Variants in SCUBE1 observed in about 807,000 individuals in gnomAD.
The protein encoded by SCUBE1 is signal peptide, CUB domain and EGF like domain containing 1, also known as signal peptide, CUB and EGF-like domain-containing protein 1.
A neutral mutation model predicts 124.4 loss-of-function variants in SCUBE1; 59 were observed. That is an observed-to-expected ratio of 0.47 (90% confidence interval 0.38 to 0.59). SCUBE1 has a LOEUF of 0.59. Ranked by LOEUF, SCUBE1 falls within the 20% of genes least tolerant of loss-of-function variation. The probability of loss-of-function intolerance (pLI) is 0.00; values close to 1 mark genes in which losing one functional copy is unlikely to be tolerated. For synonymous variants in SCUBE1, 545 were observed against 550.9 expected, an observed-to-expected ratio of 0.99 and a Z score of 0.15; for missense variants, 1,150 against 1,371.2, an observed-to-expected ratio of 0.84 and a Z score of 2.55.
chr22:43,242,190 G>A (rs911254344), intron 6 of SCUBE1, among the ~76,000 whole-genome samples: 2 of 152,218 alleles, frequency 1.3e-5, no homozygotes, highest in East Asian at 1.9e-4. Flanking sequence ...GCCGAGCACC[G>A]CGTCCCTGGG....
intron 19 of SCUBE1, among the ~76,000 whole-genome samples, chr22:43,208,828 T>C (rs8142858): frequency 0.039 from 5,986 of 152,266 alleles, 144 homozygotes; most frequent in South Asian, 0.058. Context: ...AAACCATCCT[T>C]TTCTCAGACA....
intron 3 of SCUBE1, among the ~76,000 whole-genome samples, chr22:43,301,630 C>T (rs965448822): frequency 3.3e-5 from 5 of 152,194 alleles, no homozygotes; most frequent in African/African-American, 7.2e-5. Flanking sequence ...CATTCTGCAA[C>T]GTGTCCCTCC....
At chr22:43,205,991 C>T (rs1246631891) in intron 21 of SCUBE1, among the ~76,000 whole-genome samples, 2 of 134,946 alleles carry the variant, frequency 1.5e-5, no homozygotes, top group Non-Finnish European at 3.2e-5. Flanking sequence ...ACCTCCACCC[C>T]CACTCATCAC....
intron 12 of SCUBE1, among the ~76,000 whole-genome samples, chr22:43,221,839 G>A (rs546060697): frequency 7.2e-5 from 11 of 152,240 alleles, no homozygotes; most frequent in Admixed American, 3.3e-4. Context: ...CGAGGCAGGC[G>A]GATCACTTGA....
intron 3 of SCUBE1, among the ~76,000 whole-genome samples, chr22:43,296,815 C>T (rs777445353): frequency 3.9e-4 from 59 of 152,120 alleles, no homozygotes; most frequent in Non-Finnish European, 5.4e-4. Context: ...AAGGTGGAAC[C>T]TTGGTGGGCC....
intron 2 of SCUBE1, among the ~76,000 whole-genome samples, chr22:43,331,666 C>T (rs921885014): frequency 3.3e-4 from 50 of 152,140 alleles, no homozygotes; most frequent in Non-Finnish European, 2.9e-5. Context: ...GTCCTTTTCC[C>T]TCGCAAATGT....
chr22:43,307,677 G>A (rs891839715), intron 3 of SCUBE1, among the ~76,000 whole-genome samples: 2 of 152,184 alleles, frequency 1.3e-5, no homozygotes, highest in Non-Finnish European at 2.9e-5. Context: ...GGGGAGCAGA[G>A]CTCTAACTGT....
intron 2 of SCUBE1, among the ~76,000 whole-genome samples, chr22:43,329,157 C>T (rs1926821598): frequency 6.6e-6 from 1 of 152,252 alleles, no homozygotes; most frequent in Admixed American, 6.5e-5. Flanking sequence ...ACCCTGGCCA[C>T]AAGGGGCTGC....
At chr22:43,327,762 G>T (rs1273930489) in intron 2 of SCUBE1, among the ~76,000 whole-genome samples, 2 of 152,100 alleles carry the variant, frequency 1.3e-5, no homozygotes, top group Non-Finnish European at 2.9e-5. Flanking sequence ...ACTCCAGCCT[G>T]GGCGACAGAG....
At chr22:43,220,708 A>G (rs1922053505) in intron 13 of SCUBE1, 121 bp from the exon 14 acceptor site, 1 of 1,309,266 alleles carries the variant, frequency 7.6e-7, no homozygotes, top group African/African-American at 1.5e-5. Context: ...AGACGGAAAA[A>G]CTCAGGCTAG....
At chr22:43,319,816 T>A in intron 3 of SCUBE1, 121 bp downstream of exon 3, 1 of 1,261,070 alleles carries the variant, frequency 7.9e-7, no homozygotes, top group Non-Finnish European at 1.1e-6. Flanking sequence ...ATGACAACCC[T>A]GGCAAACTAA....
chr22:43,337,123 T>C (rs1927108392), intron 2 of SCUBE1, among the ~76,000 whole-genome samples: 1 of 152,192 alleles, frequency 6.6e-6, no homozygotes. Flanking sequence ...CTCATCTTCA[T>C]ACCCAGCAGG....
chr22:43,284,070 G>C (rs1003119875), intron 4 of SCUBE1, among the ~76,000 whole-genome samples: 27 of 152,218 alleles, frequency 1.8e-4, no homozygotes, highest in African/African-American at 6.0e-4. Flanking sequence ...GCTCTTACCT[G>C]GTCTGTGTAT....
chr22:43,287,866 T>C (rs17003609), intron 4 of SCUBE1, among the ~76,000 whole-genome samples: 9,330 of 152,148 alleles, frequency 0.061, 983 homozygotes, highest in African/African-American at 0.21. Context: ...TGGTGGGCAA[T>C]TGTCACAACA....
chr22:43,322,185 A>G lies in SCUBE1; in HGVS notation c.221-2120T>C, dbSNP rs568996469. 1.5e-3 allele frequency among the ~76,000 whole-genome samples: 226 copies of G among 152,166 alleles called. 1 individual carries two copies. The highest frequency in any genetic ancestry group is 1.2e-3 in the Non-Finnish European group (79 of 68,020). On this transcript the variant is annotated intron_variant, in intron 2 of 21. Transcript: ENST00000360835. ...TTTTTAATAGAGATGGGGTTTCACC[A>G]TGTTAGCCAGGATGGTCTCCATCTC...
chr22:43,273,811 G>A (rs753303597), intron 4 of SCUBE1, among the ~76,000 whole-genome samples: 4 of 151,990 alleles, frequency 2.6e-5, no homozygotes, highest in East Asian at 1.9e-4. Context: ...GGGCTCAAGC[G>A]ATCCTCCCAC....
Position 43,222,755 on chromosome 22 carries a change from C to G in SCUBE1, c.1328-13G>C. 7 of 1,582,582 alleles carry G rather than the reference C, an allele frequency of 4.4e-6. No homozygotes were observed. Among genetic ancestry groups the G allele is most frequent in the Non-Finnish European group, 6.0e-6 (7 of 1,161,746 alleles). On this transcript the variant is annotated splice_polypyrimidine_tract_variant and intron_variant, in intron 11 of 21. Transcript: ENST00000360835. Reference sequence around the variant, plus strand: ...CTATTTTCCGAGTCTGCAGAGAAGCCGGTGGGTGAGGTGGGCCTGGTGCTC... The same window carrying G: ...CTATTTTCCGAGTCTGCAGAGAAGCGGGTGGGTGAGGTGGGCCTGGTGCTC...
chr22:43,259,536 C>T (rs940622873), intron 5 of SCUBE1, among the ~76,000 whole-genome samples: 1 of 152,194 alleles, frequency 6.6e-6, no homozygotes, highest in Non-Finnish European at 1.5e-5. Flanking sequence ...AGAGAAGGAT[C>T]TCAAATGTTT....
chr22:43,267,711 AC>A (rs1192588986), intron 4 of SCUBE1, among the ~76,000 whole-genome samples: 3 of 152,148 alleles, frequency 2.0e-5, no homozygotes, highest in Non-Finnish European at 2.9e-5. Flanking sequence ...CACTGGCCCC[AC>A]CCACTGGAGC....
Sources: allele counts gnomAD v4.1 joint callset (sites outside exome capture counted in the v4.1 genomes callset), GRCh38; gene constraint gnomAD v4.1.1; transcripts MANE v1.5; gene names NCBI Gene and HGNC (gene_info 2026-07-23, HGNC 2026-07-21).